NHSL3: variants seen among roughly 807,000 people sequenced by gnomAD.
NHSL3 encodes NHS like 3, also known as NHS-like protein 3.
chr1:32,761,630 T>C, the NHSL3 span, among the ~76,000 whole-genome samples: 1 of 152,196 alleles, frequency 6.6e-6, no homozygotes, highest in East Asian at 1.9e-4. Context: ...CGCAGGCCCA[T>C]GATCAATTAC....
chr1:32,756,310 C>G, the NHSL3 span, among the ~76,000 whole-genome samples: 9 of 151,926 alleles, frequency 5.9e-5, no homozygotes, highest in African/African-American at 2.2e-4. Flanking sequence ...ATGAGAGAAC[C>G]AGGGATTTGT....
the NHSL3 span, chr1:32,770,666 G>A: frequency 7.9e-6 from 12 of 1,525,266 alleles, no homozygotes; most frequent in East Asian, 1.1e-4. This position sits in a 1 kb window ranked among gnomAD's most constrained non-coding sequence, Gnocchi z 8.3. Flanking sequence ...AAGCTGAAGC[G>A]GCCTCCACCC....
the NHSL3 span, chr1:32,772,476 C>G: frequency 4.0e-6 from 6 of 1,506,164 alleles, no homozygotes; most frequent in Non-Finnish European, 5.3e-6. Context: ...GGTCCCATTG[C>G]TGATGATGGG....
the NHSL3 span, among the ~76,000 whole-genome samples, chr1:32,752,637 G>C: frequency 6.6e-6 from 1 of 152,030 alleles, no homozygotes; most frequent in Non-Finnish European, 1.5e-5. Flanking sequence ...GAGTGCAGTA[G>C]CGTGATCTTG....
the NHSL3 span, among the ~76,000 whole-genome samples, chr1:32,754,786 G>A: frequency 2.0e-5 from 3 of 152,180 alleles, no homozygotes; most frequent in Non-Finnish European, 4.4e-5. Flanking sequence ...AGGGAGGGGA[G>A]ACAAAGGTGG....
the NHSL3 span, chr1:32,772,743 C>T: frequency 9.9e-5 from 97 of 984,620 alleles, no homozygotes; most frequent in Non-Finnish European, 1.3e-4. Flanking sequence ...CCCAGTGCTG[C>T]GGGCACTGTC....
At chr1:32,762,254 G>T in the NHSL3 span, among the ~76,000 whole-genome samples, 1 of 152,128 alleles carries the variant, frequency 6.6e-6, no homozygotes, top group Non-Finnish European at 1.5e-5. Context: ...CTGCAGGGGG[G>T]TCGTGTTGCT....
chr1:32,772,069 C>G, the NHSL3 span: 5 of 1,612,404 alleles, frequency 3.1e-6, no homozygotes, highest in Non-Finnish European at 4.2e-6. Context: ...ACGGCCTCCC[C>G]AGTCCCCTGC....
the NHSL3 span, chr1:32,768,768 G>A: frequency 4.1e-4 from 665 of 1,613,702 alleles, no homozygotes; most frequent in Non-Finnish European, 5.5e-4. Context: ...AGATGATCCA[G>A]CGCAAAGGTG....
chr1:32,763,642 G>C, the NHSL3 span, among the ~76,000 whole-genome samples: 3 of 152,112 alleles, frequency 2.0e-5, no homozygotes, highest in Non-Finnish European at 4.4e-5. Flanking sequence ...CGGGATCTCA[G>C]CTTACTGCAA....
the NHSL3 span, among the ~76,000 whole-genome samples, chr1:32,764,913 T>G: frequency 6.6e-6 from 1 of 152,238 alleles, no homozygotes; most frequent in African/African-American, 2.4e-5. Context: ...GACTGTTTCT[T>G]GGCTAATTCT....
the NHSL3 span, among the ~76,000 whole-genome samples, chr1:32,754,457 C>T: frequency 1.3e-5 from 2 of 149,812 alleles, no homozygotes; most frequent in Non-Finnish European, 3.0e-5. Context: ...ACCATCACAC[C>T]CACACTCTCG....
At chr1:32,773,868 T>A in the NHSL3 span, 2 of 152,608 alleles carry the variant, frequency 1.3e-5, no homozygotes, top group Non-Finnish European at 2.9e-5. Context: ...CCTTTCTCTC[T>A]CCTCATTTCG....
At chr1:32,771,684 T>A in the NHSL3 span, 1 of 1,611,454 alleles carries the variant, frequency 6.2e-7, no homozygotes. Context: ...GCCCAGACCC[T>A]CCTCCAGCTC....
chr1:32,764,405 G>C, the NHSL3 span, among the ~76,000 whole-genome samples: 14,304 of 152,104 alleles, frequency 0.094, 752 homozygotes, highest in South Asian at 0.13. Flanking sequence ...ATTAACTATA[G>C]TCCCTAGTAC....
At chr1:32,769,930 C>T in the NHSL3 span, 23 of 1,607,404 alleles carry the variant, frequency 1.4e-5, no homozygotes, top group South Asian at 2.2e-5. Context: ...TCCTGGTGCA[C>T]GGGATGCCGT....
the NHSL3 span, among the ~76,000 whole-genome samples, chr1:32,751,485 TGTTCTG>T: frequency 6.6e-6 from 1 of 152,182 alleles, no homozygotes; most frequent in Admixed American, 6.5e-5. Flanking sequence ...TTCAGGAAAC[TGTTCTG>T]GTTGGAAAGG....
At chr1:32,747,463 G>A in the NHSL3 span, among the ~76,000 whole-genome samples, 4 of 152,140 alleles carry the variant, frequency 2.6e-5, no homozygotes, top group South Asian at 4.2e-4. Flanking sequence ...GTGAGCTACC[G>A]CGACTGGCCG....
the NHSL3 span, among the ~76,000 whole-genome samples, chr1:32,772,602 G>T: frequency 6.6e-6 from 1 of 150,622 alleles, no homozygotes; most frequent in African/African-American, 2.4e-5. Flanking sequence ...AGAGGAGAAT[G>T]GTGTGTGAGT....
Sources: allele counts gnomAD v4.1 joint callset (sites outside exome capture counted in the v4.1 genomes callset), GRCh38; gene constraint gnomAD v4.1.1; non-coding constraint Gnocchi (gnomAD v3.1); transcripts MANE v1.5; gene names NCBI Gene and HGNC (gene_info 2026-07-23, HGNC 2026-07-21).